GSTO2: variants seen among roughly 807,000 people sequenced by gnomAD.
GSTO2 encodes glutathione S-transferase omega 2.
In GSTO2, 23 loss-of-function variants were observed where a neutral mutation model predicts 28.4. The observed-to-expected ratio is 0.81, with a 90% confidence interval of 0.58 to 1.15. The LOEUF is 1.15. GSTO2 is among the 50% of genes most tolerant of loss of function. The pLI is 0.00. For missense variants in GSTO2, 298 were observed against 297.8 expected (o/e 1.00, Z 0.00); for synonymous variants, 109 against 111.0 (o/e 0.98, Z 0.11).
At chr10:104,282,967 T>C (rs2012169050) in intron 5 of GSTO2, among the ~76,000 whole-genome samples, 1 of 152,138 alleles carries the variant, frequency 6.6e-6, no homozygotes, top group Non-Finnish European at 1.5e-5. Flanking sequence ...GTGATAAATG[T>C]TTAAGAATCA....
rs1026605300 is a variant in GSTO2 at position 104,300,970 on chromosome 10, T to C, written c.*1686T>C. ...ACAGAAACAAGCCTGCTTGGTGAGGTGGCCAGAACTTCCAGAAGAGGCAGC... is the reference window on the plus strand; with the variant it reads ...ACAGAAACAAGCCTGCTTGGTGAGGCGGCCAGAACTTCCAGAAGAGGCAGC... On this transcript the variant is annotated 3_prime_UTR_variant, in exon 7 of 7. Transcript: ENST00000338595. 1 of 152,274 alleles carries C rather than the reference T, an allele frequency of 6.6e-6. No homozygotes were observed. Among genetic ancestry groups the C allele is most frequent in the Non-Finnish European group, 1.5e-5 (1 of 68,124 alleles). 9.4% of individuals were successfully genotyped at this position (152,274 alleles called of 1,614,324 possible). A position where few individuals can be genotyped will look rare whatever the true frequency, so the allele number is the denominator to read the frequency against.
chr10:104,295,017 G>A (rs1371994182), intron 5 of GSTO2: 1 of 152,230 alleles, frequency 6.6e-6, no homozygotes, highest in Non-Finnish European at 1.5e-5. Flanking sequence ...GAAGAGCTGT[G>A]TAGATGTTCC....
intron 5 of GSTO2, among the ~76,000 whole-genome samples, chr10:104,292,926 A>C (rs911241859): frequency 6.6e-6 from 1 of 152,206 alleles, no homozygotes; most frequent in African/African-American, 2.4e-5. Flanking sequence ...TTGGATGTTA[A>C]GTCTGTCAGT....
At chr10:104,284,448 C>T (rs1027493992) in intron 5 of GSTO2, among the ~76,000 whole-genome samples, 2 of 152,088 alleles carry the variant, frequency 1.3e-5, no homozygotes, top group African/African-American at 4.8e-5. Flanking sequence ...TTTTACAATT[C>T]TTTGAGATAT....
At position 104,292,129 on chromosome 10, in the gene GSTO2, A is replaced by G. The variant is rs558186926; in HGVS notation, c.469-5449A>G. Among the ~76,000 whole-genome samples, 5 of 145,902 alleles carry G rather than the reference A, an allele frequency of 3.4e-5. No individual in the cohort carries two copies. In the South Asian group the frequency reaches 1.2e-3, roughly 36 times the overall value. On this transcript the variant is annotated intron_variant, in intron 5 of 6. Coordinates refer to ENST00000338595, the MANE Select transcript of GSTO2 (RefSeq NM_183239.2). The stretch of plus-strand genomic sequence containing the variant: ...GCTATTTTGCTTTGCTTGTTCATAC[A>G]AAAGACAGGGGTTCTGAAAGTGAGG...
In GSTO2 at chr10:104,297,653, T is replaced by A; in HGVS notation, c.544T>A (p.Phe182Ile). The A allele has an allele frequency of 6.2e-7, 1 of 1,613,752 alleles. No individual in the cohort carries two copies. Among genetic ancestry groups the A allele is most frequent in the Non-Finnish European group, 8.5e-7 (1 of 1,179,676 alleles). ...GATTGATTACCTCCTCTGGCCCTGG[T>A]TTGAGCGGCTGGATGTGTATGGGAT... ...SMIDYLLWPWFERLDVYGILD... is the reference protein window; with the variant it reads ...SMIDYLLWPWIERLDVYGILD... Residue 182 changes from phenylalanine to isoleucine, a missense_variant, in exon 6 of 7, where the codon TTT becomes ATT. Transcript: ENST00000338595.
chr10:104,277,774 C>T (rs2011727389), intron 3 of GSTO2, 120 bp from the exon 4 acceptor site: 1 of 652,952 alleles, frequency 1.5e-6, no homozygotes, highest in Non-Finnish European at 2.7e-6. Flanking sequence ...AAAACTTAAA[C>T]CTTAAAACAC....
In GSTO2 at chr10:104,293,563, A is replaced by ATTT. The variant is rs397787244; in HGVS notation, c.469-3995_469-3993dup. ...AGGCATGAGCCACTGCGCCTGGCCAATTTTTTTTTTTTTTTTTTTTTTGCG... is the reference window on the plus strand; with the variant it reads ...AGGCATGAGCCACTGCGCCTGGCCAATTTTTTTTTTTTTTTTTTTTTTTTTGCG... On this transcript the variant is annotated intron_variant, in intron 5 of 6. Transcript: ENST00000338595. 6.6e-4 allele frequency among the ~76,000 whole-genome samples: 54 copies of ATTT among 81,630 alleles called. 9 individuals are homozygous for ATTT. The highest frequency in any genetic ancestry group is 2.0e-3 in the East Asian group (7 of 3,506). The allele number at this position is 81,630 out of a possible 152,430, so 53.6% of individuals were successfully genotyped here. A position where few individuals can be genotyped will look rare whatever the true frequency, so the allele number is the denominator to read the frequency against.
rs1278951592 is a variant in GSTO2 at position 104,278,066 on chromosome 10, G to A, written c.316G>A (p.Asp106Asn). ...AYPGRKLFPY[D>N]PYERARQKML... ...TCCAGGAAGGAAGCTGTTTCCATAT[G>A]ACCCTTATGAACGAGCTCGCCAAAA... Residue 106 changes from aspartate (D) to asparagine (N), a missense_variant, in exon 4 of 7, where the codon GAC becomes AAC. Asp to Asn is a conservative substitution (Grantham distance 23, BLOSUM62 1). Transcript: ENST00000338595. The A allele has an allele frequency of 3.1e-6, 5 of 1,613,984 alleles. No individual in the cohort carries two copies. The African/African-American group carries it at 5.3e-5, about 17-fold the overall frequency.
chr10:104,272,770 C>T (rs1298502248), intron 1 of GSTO2, among the ~76,000 whole-genome samples: 1 of 151,706 alleles, frequency 6.6e-6, no homozygotes, highest in Non-Finnish European at 1.5e-5. Flanking sequence ...CCTGCCACCG[C>T]GCCCGGCTAA....
At chr10:104,286,786 A>G (rs1455080583) in intron 5 of GSTO2, among the ~76,000 whole-genome samples, 2 of 152,080 alleles carry the variant, frequency 1.3e-5, no homozygotes, top group Non-Finnish European at 2.9e-5. Flanking sequence ...TTCCCATCAC[A>G]TAAATAATAG....
intron 1 of GSTO2, among the ~76,000 whole-genome samples, chr10:104,270,362 T>C (rs2011337038): frequency 6.7e-6 from 1 of 149,122 alleles, no homozygotes; most frequent in Admixed American, 6.6e-5. Flanking sequence ...TAACAGGAGT[T>C]AATGAGTTAA....
intron 3 of GSTO2, among the ~76,000 whole-genome samples, chr10:104,275,794 A>G (rs2011604943): frequency 6.6e-6 from 1 of 152,084 alleles, no homozygotes; most frequent in Non-Finnish European, 1.5e-5. Context: ...TGCGTTCTCG[A>G]GGGTAGGAAC....
chr10:104,290,652 A>ACC (rs1188508452), intron 5 of GSTO2, among the ~76,000 whole-genome samples: 2 of 152,240 alleles, frequency 1.3e-5, no homozygotes, highest in African/African-American at 4.8e-5. Flanking sequence ...AGAAAGACAA[A>ACC]CATCACATGT....
intron 5 of GSTO2, among the ~76,000 whole-genome samples, chr10:104,283,454 T>C (rs2012206471): frequency 6.6e-6 from 1 of 152,152 alleles, no homozygotes; most frequent in African/African-American, 2.4e-5. Context: ...AGTGAGACTA[T>C]GTTTCTACTA....
Position 104,274,891 on chromosome 10 carries a change from G to T in GSTO2, c.-25G>T. On this transcript the variant is annotated 5_prime_UTR_variant, in exon 2 of 7. Coordinates refer to ENST00000338595, the MANE Select transcript of GSTO2 (RefSeq NM_183239.2). ...ACAGGGCGGCGACCGTGAGCTCCGGGAGCTGCGCAAACCACCTGGAGACCA... is the reference window on the plus strand; with the variant it reads ...ACAGGGCGGCGACCGTGAGCTCCGGTAGCTGCGCAAACCACCTGGAGACCA... The T allele has an allele frequency of 6.2e-7, 1 of 1,604,934 alleles. No homozygotes were observed. Among genetic ancestry groups the T allele is most frequent in the Non-Finnish European group, 8.5e-7 (1 of 1,176,342 alleles).
chr10:104,273,064 T>C (rs2011490214), intron 1 of GSTO2, among the ~76,000 whole-genome samples: 1 of 152,250 alleles, frequency 6.6e-6, no homozygotes, highest in South Asian at 2.1e-4. Flanking sequence ...TCTTGAAATC[T>C]GCTTTTTTTA....
intron 1 of GSTO2, among the ~76,000 whole-genome samples, chr10:104,273,919 C>G (rs939137801): frequency 6.6e-6 from 1 of 152,216 alleles, no homozygotes; most frequent in African/African-American, 2.4e-5. Flanking sequence ...TTCTTTCCTT[C>G]ATGATCTGTT....
At chr10:104,274,632 G>C in intron 1 of GSTO2, 53 bp from the exon 2 acceptor site, 7 of 547,398 alleles carry the variant, frequency 1.3e-5, no homozygotes, top group Non-Finnish European at 6.4e-6. Context: ...CACATGTCCA[G>C]AGCAAGGGGG....
Sources: gnomAD v4.1 joint callset for allele counts (sites outside exome capture counted in the v4.1 genomes callset) on GRCh38, gnomAD v4.1.1 for gene constraint, MANE v1.5 for transcripts, NCBI Gene and HGNC (gene_info 2026-07-23, HGNC 2026-07-21) for gene names.